The following MALRD1 variants were observed in gnomAD, a reference collection of about 807,000 sequenced individuals.
The protein encoded by MALRD1 is MAM and LDL receptor class A domain containing 1.
MALRD1 carries 247 observed loss-of-function variants against 242.1 expected under a neutral mutation model. The observed-to-expected ratio is 1.02, with a 90% confidence interval of 0.92 to 1.13. MALRD1 has a LOEUF of 1.13. MALRD1 is among the 50% of genes most tolerant of loss of function. MALRD1 has a pLI of 0.00. For synonymous variants in MALRD1, 995 were observed against 866.6 expected (o/e 1.15, Z -2.60); for missense variants, 2,989 against 2,533.1 (o/e 1.18, Z -3.86).
At chr10:19,302,155 CT>C in intron 21 of MALRD1, among the ~76,000 whole-genome samples, 1 of 151,774 alleles carries the variant, frequency 6.6e-6, no homozygotes, top group Non-Finnish European at 1.5e-5. Context: ...AGTCCTCATA[CT>C]TGCTAATGGT....
At chr10:19,463,108 A>G (rs1439316923) in intron 29 of MALRD1, among the ~76,000 whole-genome samples, 3 of 152,114 alleles carry the variant, frequency 2.0e-5, no homozygotes, top group Non-Finnish European at 4.4e-5. Context: ...TGTATAGAGA[A>G]CCAATAGCCT....
chr10:19,648,158 T>G (rs1376416678), intron 36 of MALRD1, among the ~76,000 whole-genome samples: 1 of 152,128 alleles, frequency 6.6e-6, no homozygotes, highest in African/African-American at 2.4e-5. Context: ...GAAACTGCTG[T>G]GGGGCAAGAA....
chr10:19,382,403 A>G (rs1450722613), intron 26 of MALRD1, among the ~76,000 whole-genome samples: 1 of 151,988 alleles, frequency 6.6e-6, no homozygotes, highest in Admixed American at 6.6e-5. Context: ...ATGGAGAGAA[A>G]TGGACATAGT....
chr10:19,591,490 T>C (rs1474046457), intron 33 of MALRD1, among the ~76,000 whole-genome samples: 3 of 146,070 alleles, frequency 2.1e-5, no homozygotes, highest in Non-Finnish European at 4.5e-5. Flanking sequence ...TCCTTCCTTT[T>C]ATTTTAGTTT....
intron 33 of MALRD1, among the ~76,000 whole-genome samples, chr10:19,585,863 C>T (rs1221836849): frequency 6.6e-6 from 1 of 152,140 alleles, no homozygotes; most frequent in Admixed American, 6.5e-5. Flanking sequence ...TCAGGTACAC[C>T]AATCAGACGT....
intron 24 of MALRD1, among the ~76,000 whole-genome samples, chr10:19,342,644 G>C (rs948687913): frequency 6.6e-6 from 1 of 152,118 alleles, no homozygotes; most frequent in Non-Finnish European, 1.5e-5. Flanking sequence ...TGTGTTTTCA[G>C]AGATGTTATT....
intron 9 of MALRD1, among the ~76,000 whole-genome samples, 190 bp downstream of exon 9, chr10:19,134,138 G>T (rs188245305): frequency 6.6e-6 from 1 of 152,020 alleles, no homozygotes; most frequent in African/African-American, 2.4e-5. Flanking sequence ...TTCCCATGGC[G>T]GGGGAAATTG....
At chr10:19,318,811 T>A (rs1842807408) in intron 21 of MALRD1, among the ~76,000 whole-genome samples, 1 of 152,194 alleles carries the variant, frequency 6.6e-6, no homozygotes, top group South Asian at 2.1e-4. Flanking sequence ...CACTTGGTTA[T>A]TTTGCCTATT....
rs142493313 is a variant in MALRD1 at position 19,349,107 on chromosome 10, G to A, written c.4149+1089G>A. Among the ~76,000 whole-genome samples, 201 of 152,196 alleles carry A rather than the reference G, an allele frequency of 1.3e-3. 2 individuals carry two copies. The highest frequency in any genetic ancestry group is 6.9e-3 in the Admixed American group (105 of 15,280). ...TGCCTAAGGAGCTGGGATTACAGGC[G>A]TGCACAACCATCCCAGCTAATTTCT... On this transcript the variant is annotated intron_variant, in intron 25 of 39. Transcript: ENST00000454679.
intron 28 of MALRD1, among the ~76,000 whole-genome samples, chr10:19,429,023 A>G (rs1320814177): frequency 6.6e-6 from 1 of 152,222 alleles, no homozygotes; most frequent in Non-Finnish European, 1.5e-5. Flanking sequence ...TTATTATGGA[A>G]CTGCTATTAC....
chr10:19,054,046 T>C (rs1834590976), intron 1 of MALRD1, among the ~76,000 whole-genome samples: 1 of 152,116 alleles, frequency 6.6e-6, no homozygotes, highest in Non-Finnish European at 1.5e-5. Context: ...ATCCCTCTTT[T>C]AGGACCTATT....
intron 28 of MALRD1, among the ~76,000 whole-genome samples, chr10:19,394,327 T>G (rs1306343431): frequency 6.6e-6 from 1 of 152,120 alleles, no homozygotes; most frequent in East Asian, 1.9e-4. Context: ...ACATGGTATT[T>G]TAAGAAAAAA....
chr10:19,567,817 CA>C, intron 33 of MALRD1, 114 bp downstream of exon 33: 1 of 942,084 alleles, frequency 1.1e-6, no homozygotes, highest in Admixed American at 2.6e-5. Context: ...GTTCTATTTA[CA>C]CATGGAAAAG....
chr10:19,402,590 G>C (rs1395915668), intron 28 of MALRD1, among the ~76,000 whole-genome samples: 1 of 152,006 alleles, frequency 6.6e-6, no homozygotes, highest in African/African-American at 2.4e-5. Context: ...CCACTCTTGG[G>C]TATGTCTTTA....
chr10:19,680,553 T>G (rs1842323323), intron 36 of MALRD1, among the ~76,000 whole-genome samples: 1 of 152,166 alleles, frequency 6.6e-6, no homozygotes, highest in African/African-American at 2.4e-5. Context: ...ATGGATCTCT[T>G]GAATGCAGCA....
intron 14 of MALRD1, among the ~76,000 whole-genome samples, chr10:19,181,669 C>A (rs138866054): frequency 6.6e-6 from 1 of 151,700 alleles, no homozygotes; most frequent in Non-Finnish European, 1.5e-5. Flanking sequence ...TTGAGGACTA[C>A]AGTTAATAAC....
chr10:19,714,022 G>C (rs917155769), intron 38 of MALRD1, among the ~76,000 whole-genome samples: 18 of 152,056 alleles, frequency 1.2e-4, no homozygotes, highest in African/African-American at 3.6e-4. Flanking sequence ...CAGTGTCTAG[G>C]GTTGAGTTTT....
At chr10:19,083,347 C>T (rs926686622) in intron 2 of MALRD1, among the ~76,000 whole-genome samples, 2 of 151,904 alleles carry the variant, frequency 1.3e-5, no homozygotes, top group African/African-American at 4.8e-5. Flanking sequence ...AGGGTCTTTT[C>T]AGGTATTTCC....
chr10:19,675,454 G>A (rs1842099777), intron 36 of MALRD1, among the ~76,000 whole-genome samples: 1 of 152,134 alleles, frequency 6.6e-6, no homozygotes, highest in Non-Finnish European at 1.5e-5. Context: ...TAAGGCAGTG[G>A]TTCTCAAAGT....
Sources: allele counts gnomAD v4.1 joint callset (sites outside exome capture counted in the v4.1 genomes callset), GRCh38; gene constraint gnomAD v4.1.1; transcripts MANE v1.5; gene names NCBI Gene and HGNC (gene_info 2026-07-23, HGNC 2026-07-21).